The following BBS9 variants were observed in gnomAD, a reference collection of about 807,000 sequenced individuals.
BBS9 encodes the protein protein PTHB1.
BBS9 carries 89 observed loss-of-function variants against 117.7 expected under a neutral mutation model. The ratio of observed to expected loss-of-function variants is 0.76; its 90% CI spans 0.64 to 0.90. The LOEUF (loss-of-function observed/expected upper bound fraction) is 0.90. BBS9 is among the 40% of genes least tolerant of loss of function. The pLI, the probability that BBS9 is intolerant of heterozygous loss-of-function variation, is 0.00. For missense variants in BBS9, 982 were observed against 1,042.2 expected, an observed-to-expected ratio of 0.94 and a Z score of 0.80; for synonymous variants, 379 against 370.9, an observed-to-expected ratio of 1.02 and a Z score of -0.25.
rs373851916 is a variant in BBS9 at position 33,389,460 on chromosome 7, C to T, written c.2115+1316C>T. 1.5e-4 allele frequency among the ~76,000 whole-genome samples: 23 copies of T among 152,148 alleles called. No individual in the cohort carries two copies. In the East Asian group the frequency reaches 2.1e-3, roughly 14 times the overall value. The stretch of plus-strand genomic sequence containing the variant: ...ATCCCAGCACTTTGGGAGGCCTAGG[C>T]GGGCGGATCACGAGGTCAGGAGATC... On this transcript the variant is annotated intron_variant, in intron 19 of 22. Coordinates refer to ENST00000242067, the MANE Select transcript of BBS9 (RefSeq NM_198428.3).
At chr7:33,268,862 G>A (rs536394352) in intron 7 of BBS9, among the ~76,000 whole-genome samples, 14 of 152,236 alleles carry the variant, frequency 9.2e-5, no homozygotes, top group Non-Finnish European at 1.9e-4. Context: ...TCAGCCCGAG[G>A]TACAGACACT....
rs559907108 is a variant in BBS9, at chr7:33,513,194, G to A, written c.2298+7549G>A. On this transcript the variant is annotated intron_variant, in intron 20 of 22. Coordinates refer to ENST00000242067, the MANE Select transcript of BBS9 (RefSeq NM_198428.3). The stretch of plus-strand genomic sequence containing the variant: ...ACAGCTTCTTCCATCAAGCCAGAGC[G>A]AAGAAGGATTTTTTCTTCACTTAAA... 1.2e-4 allele frequency among the ~76,000 whole-genome samples: 19 copies of A among 152,288 alleles called. No homozygotes were observed. In the South Asian group the frequency reaches 2.5e-3, roughly 20 times the overall value.
intron 10 of BBS9, among the ~76,000 whole-genome samples, 171 bp downstream of exon 10, chr7:33,336,793 G>C (rs1815468290): frequency 6.6e-6 from 1 of 152,080 alleles, no homozygotes; most frequent in Non-Finnish European, 1.5e-5. Context: ...TGTCTACTTT[G>C]TATGTTATGG....
chr7:33,234,286 T>A (rs1461563187), intron 5 of BBS9, among the ~76,000 whole-genome samples: 1 of 152,130 alleles, frequency 6.6e-6, no homozygotes, highest in Non-Finnish European at 1.5e-5. Flanking sequence ...GGTCTTGGAA[T>A]GTATTCTCTG....
At chr7:33,193,188 CTATA>C (rs1391975831) in intron 5 of BBS9, among the ~76,000 whole-genome samples, 1 of 152,110 alleles carries the variant, frequency 6.6e-6, no homozygotes, top group Non-Finnish European at 1.5e-5. Context: ...GTGGTATCTC[CTATA>C]TATATCTATA....
intron 9 of BBS9, among the ~76,000 whole-genome samples, chr7:33,295,458 A>T (rs1197958350): frequency 6.6e-6 from 1 of 151,400 alleles, no homozygotes; most frequent in Non-Finnish European, 1.5e-5. Flanking sequence ...GTGATGCTTA[A>T]ATTTTGAACT....
intron 19 of BBS9, among the ~76,000 whole-genome samples, chr7:33,440,401 G>A (rs1466268717): frequency 6.6e-6 from 1 of 152,080 alleles, no homozygotes; most frequent in Non-Finnish European, 1.5e-5. Context: ...ACTGGCTTTT[G>A]TTTTCTAAAG....
intron 20 of BBS9, among the ~76,000 whole-genome samples, chr7:33,533,316 T>G (rs1363416963): frequency 6.6e-6 from 1 of 152,298 alleles, no homozygotes; most frequent in East Asian, 1.9e-4. Flanking sequence ...CCAACAAAAG[T>G]GGGGGCAATG....
At chr7:33,459,034 G>A (rs1489426808) in intron 19 of BBS9, among the ~76,000 whole-genome samples, 1 of 152,140 alleles carries the variant, frequency 6.6e-6, no homozygotes. Flanking sequence ...GGCAGCAGTG[G>A]GAATGAAGTT....
intron 5 of BBS9, among the ~76,000 whole-genome samples, chr7:33,188,100 G>A (rs546590376): frequency 0.3 from 32,500 of 108,234 alleles, 5,643 homozygotes; most frequent in Admixed American, 0.45. Context: ...GTGTGTGTGT[G>A]TGTGTGTGTG....
intron 4 of BBS9, among the ~76,000 whole-genome samples, chr7:33,166,180 C>T (rs959342458): frequency 2.0e-5 from 3 of 152,184 alleles, no homozygotes; most frequent in Non-Finnish European, 4.4e-5. Context: ...TGCAGAACAG[C>T]AAATATCGCA....
intron 20 of BBS9, among the ~76,000 whole-genome samples, chr7:33,532,019 A>G (rs541583628): frequency 6.6e-6 from 1 of 152,340 alleles, no homozygotes; most frequent in Admixed American, 6.5e-5. Flanking sequence ...GGGGATGTGG[A>G]GAACTCCAGT....
intron 6 of BBS9, among the ~76,000 whole-genome samples, chr7:33,262,615 G>A (rs1292949901): frequency 2.0e-5 from 3 of 152,166 alleles, no homozygotes; most frequent in South Asian, 2.1e-4. Context: ...GCAGCTGACC[G>A]TGGGATTTTG....
intron 21 of BBS9, among the ~76,000 whole-genome samples, chr7:33,615,756 C>A (rs766915060): frequency 6.6e-6 from 1 of 151,954 alleles, no homozygotes; most frequent in Non-Finnish European, 1.5e-5. Context: ...AAAATCCACA[C>A]ATAGGTATAT....
At chr7:33,344,194 G>A (rs888623291) in intron 11 of BBS9, among the ~76,000 whole-genome samples, 3 of 144,114 alleles carry the variant, frequency 2.1e-5, no homozygotes, top group African/African-American at 7.8e-5. Flanking sequence ...CCATTCTCCT[G>A]CCTCAGCCTC....
chr7:33,368,187 A>C (rs990994515), intron 17 of BBS9, among the ~76,000 whole-genome samples: 1 of 152,176 alleles, frequency 6.6e-6, no homozygotes, highest in Admixed American at 6.5e-5. Flanking sequence ...AATTTAAAGA[A>C]ATGAAAAATA....
chr7:33,141,506 T>C (rs2128080933), intron 1 of BBS9, among the ~76,000 whole-genome samples: 2 of 152,312 alleles, frequency 1.3e-5, no homozygotes, highest in Admixed American at 1.3e-4. Flanking sequence ...TAGTTGGGAC[T>C]ACAGGCATGG....
chr7:33,411,567 A>G (rs73103514), intron 19 of BBS9, among the ~76,000 whole-genome samples: 14,912 of 152,162 alleles, frequency 0.098, 1,020 homozygotes, highest in Non-Finnish European at 0.16. Context: ...GTGTATTTTT[A>G]TTGCTTTTTA....
At chr7:33,153,053 G>A (rs991464557) in intron 3 of BBS9, among the ~76,000 whole-genome samples, 1 of 152,116 alleles carries the variant, frequency 6.6e-6, no homozygotes, top group Non-Finnish European at 1.5e-5. Flanking sequence ...CCTTTTAATA[G>A]TAATAGACTT....
Sources: gnomAD v4.1 joint callset for allele counts (sites outside exome capture counted in the v4.1 genomes callset) on GRCh38, gnomAD v4.1.1 for gene constraint, MANE v1.5 for transcripts, NCBI Gene and HGNC (gene_info 2026-07-23, HGNC 2026-07-21) for gene names.